ANKS1B: variants seen among roughly 807,000 people sequenced by gnomAD.
ANKS1B encodes the protein ankyrin repeat and sterile alpha motif domain-containing protein 1B.
A neutral mutation model predicts 148.3 loss-of-function variants in ANKS1B; 36 were observed. That is an observed-to-expected ratio of 0.24 (90% confidence interval 0.19 to 0.32). The LOEUF (loss-of-function observed/expected upper bound fraction) is 0.32, where lower values mean the gene tolerates loss of function less well. Ranked by LOEUF, ANKS1B falls within the 10% of genes least tolerant of loss-of-function variation. The pLI, the probability that ANKS1B is intolerant of heterozygous loss-of-function variation, is 1.00. For synonymous variants in ANKS1B, 542 were observed against 560.8 expected (o/e 0.97, Z 0.47); for missense variants, 1,157 against 1,542.6 (o/e 0.75, Z 4.19).
At chr12:99,977,632 T>A (rs140389074) in intron 1 of ANKS1B, among the ~76,000 whole-genome samples, 1 of 152,220 alleles carries the variant, frequency 6.6e-6, no homozygotes, top group Non-Finnish European at 1.5e-5. Context: ...GTATTTGATA[T>A]CCTACTGACA....
At chr12:99,183,777 C>A (rs1339416154) in intron 14 of ANKS1B, among the ~76,000 whole-genome samples, 1 of 152,078 alleles carries the variant, frequency 6.6e-6, no homozygotes, top group East Asian at 1.9e-4. Flanking sequence ...CATGAATCTC[C>A]AATAAGGGTT....
intron 5 of ANKS1B, among the ~76,000 whole-genome samples, chr12:99,780,375 A>G (rs1010074350): frequency 6.6e-6 from 1 of 151,748 alleles, no homozygotes; most frequent in Admixed American, 6.6e-5. Context: ...TCCCAGGTTC[A>G]CGCCATTCTC....
chr12:99,050,962 G>T (rs773101180), intron 17 of ANKS1B, among the ~76,000 whole-genome samples: 1 of 151,926 alleles, frequency 6.6e-6, no homozygotes. Flanking sequence ...CTCCCAAAGT[G>T]CTGGGATTAC....
intron 11 of ANKS1B, among the ~76,000 whole-genome samples, chr12:99,435,694 A>G (rs552631663): frequency 3.9e-5 from 6 of 152,136 alleles, no homozygotes; most frequent in African/African-American, 1.4e-4. Flanking sequence ...TACAGAGTGC[A>G]TGTGACAGAA....
intron 1 of ANKS1B, among the ~76,000 whole-genome samples, chr12:99,842,166 A>AT (rs2085849991): frequency 6.6e-6 from 1 of 152,042 alleles, no homozygotes; most frequent in Non-Finnish European, 1.5e-5. Context: ...CATTTCAATT[A>AT]TTATATACAC....
At chr12:99,043,380 T>C (rs2099960333) in intron 17 of ANKS1B, among the ~76,000 whole-genome samples, 1 of 152,252 alleles carries the variant, frequency 6.6e-6, no homozygotes, top group Admixed American at 6.5e-5. Context: ...GACTCATTTA[T>C]AGATTAATTC....
At chr12:99,377,200 G>C (rs969732119) in intron 12 of ANKS1B, among the ~76,000 whole-genome samples, 1 of 151,996 alleles carries the variant, frequency 6.6e-6, no homozygotes, top group African/African-American at 2.4e-5. Flanking sequence ...GAGAGACGGG[G>C]TTTCACCATG....
At chr12:99,751,521 T>A (rs2061104725) in intron 8 of ANKS1B, among the ~76,000 whole-genome samples, 1 of 152,078 alleles carries the variant, frequency 6.6e-6, no homozygotes, top group Admixed American at 6.6e-5. Context: ...CAGGCAAGAC[T>A]GAACTAAAAA....
intron 17 of ANKS1B, among the ~76,000 whole-genome samples, chr12:98,912,949 T>C (rs1165827996): frequency 1.3e-5 from 2 of 152,234 alleles, no homozygotes; most frequent in Admixed American, 6.5e-5. Context: ...GAGTTGTTTT[T>C]ATTTGACATA....
At chr12:99,089,617 T>C (rs1162112433) in intron 15 of ANKS1B, among the ~76,000 whole-genome samples, 2 of 152,174 alleles carry the variant, frequency 1.3e-5, no homozygotes, top group Non-Finnish European at 2.9e-5. Flanking sequence ...GACTCAAAAA[T>C]ACTCATGAGT....
intron 17 of ANKS1B, among the ~76,000 whole-genome samples, chr12:98,979,591 G>C (rs1362695738): frequency 6.6e-6 from 1 of 152,150 alleles, no homozygotes; most frequent in East Asian, 1.9e-4. Context: ...GGTTTTCATA[G>C]TTTATGGCAA....
intron 12 of ANKS1B, among the ~76,000 whole-genome samples, chr12:99,360,286 A>G (rs759161796): frequency 1.3e-5 from 2 of 152,158 alleles, no homozygotes; most frequent in Non-Finnish European, 2.9e-5. Context: ...AAATGAATTA[A>G]TAGGATTACA....
intron 16 of ANKS1B, among the ~76,000 whole-genome samples, chr12:99,072,548 T>C (rs910683578): frequency 2.6e-5 from 4 of 152,152 alleles, no homozygotes; most frequent in Non-Finnish European, 2.9e-5. Context: ...CCCTGCAAGA[T>C]TGCAAGTTCC....
chr12:99,874,754 A>T (rs2091899701), intron 1 of ANKS1B, among the ~76,000 whole-genome samples: 1 of 152,176 alleles, frequency 6.6e-6, no homozygotes, highest in Non-Finnish European at 1.5e-5. Flanking sequence ...CTAAACTTAC[A>T]AGTTTTATAA....
At chr12:99,926,392 T>G (rs2094478008) in intron 1 of ANKS1B, among the ~76,000 whole-genome samples, 1 of 152,218 alleles carries the variant, frequency 6.6e-6, no homozygotes, top group Admixed American at 6.5e-5. Flanking sequence ...ATGGTAAGCC[T>G]CATCCAATTA....
At chr12:98,800,004 G>C (rs908895806) in intron 21 of ANKS1B, among the ~76,000 whole-genome samples, 2 of 152,124 alleles carry the variant, frequency 1.3e-5, no homozygotes, top group Non-Finnish European at 2.9e-5. Context: ...TTGTGGACTA[G>C]GGAAGTGCCT....
At chr12:99,925,378 A>C (rs759704691) in intron 1 of ANKS1B, among the ~76,000 whole-genome samples, 1 of 152,222 alleles carries the variant, frequency 6.6e-6, no homozygotes, top group Non-Finnish European at 1.5e-5. Context: ...CTGGCATACC[A>C]GAAGATAAAA....
chr12:99,239,095 G>C (rs2088671444), intron 14 of ANKS1B, among the ~76,000 whole-genome samples: 1 of 152,182 alleles, frequency 6.6e-6, no homozygotes, highest in African/African-American at 2.4e-5. Context: ...GTAGCCTTCA[G>C]AAGGTTGGAA....
intron 11 of ANKS1B, among the ~76,000 whole-genome samples, chr12:99,427,240 C>A (rs942750626): frequency 3.9e-5 from 6 of 152,134 alleles, no homozygotes; most frequent in Non-Finnish European, 8.8e-5. Context: ...TCTAATTGCA[C>A]TTGGAGTAAA....
Sources: allele counts gnomAD v4.1 joint callset (sites outside exome capture counted in the v4.1 genomes callset), GRCh38; gene constraint gnomAD v4.1.1; transcripts MANE v1.5; gene names NCBI Gene and HGNC (gene_info 2026-07-23, HGNC 2026-07-21).